AGMAT: variants seen among roughly 807,000 people sequenced by gnomAD.
The protein encoded by AGMAT is guanidino acid hydrolase, mitochondrial.
In AGMAT, 37 loss-of-function variants were observed where a neutral mutation model predicts 29.3. The observed-to-expected ratio is 1.26, with a 90% confidence interval of 0.97 to 1.66. The LOEUF (loss-of-function observed/expected upper bound fraction) is 1.66. Ranked by LOEUF, AGMAT falls within the 40% of genes most tolerant of loss-of-function variation. The pLI, the probability that AGMAT is intolerant of heterozygous loss-of-function variation, is 0.00. For synonymous variants in AGMAT, 199 were observed against 200.8 expected, an observed-to-expected ratio of 0.99 and a Z score of 0.08; for missense variants, 498 against 497.8, an observed-to-expected ratio of 1.00 and a Z score of 0.00.
Position 15,584,808 on chromosome 1 carries a change from C to A in AGMAT, c.160G>T (p.Val54Leu). The change falls in exon 1 of 7, where the codon GTG becomes TTG. Residue 54 changes from valine (V) to leucine (L), a missense_variant. Coordinates refer to ENST00000375826, the MANE Select transcript of AGMAT (RefSeq NM_024758.5). ...PPSPEFVARP[V>L]GVCSMMRLPV... ...AGGCGCATCATGGAGCAGACGCCCA[C>A]CGGCCGGGCCACGAACTCGGGGCTG... 7.1e-7 allele frequency: 1 copy of A among 1,401,076 alleles called. No individual in the cohort carries two copies. The highest frequency in any genetic ancestry group is 9.3e-7 in the Non-Finnish European group (1 of 1,080,464). 86.8% of individuals were successfully genotyped at this position (1,401,076 alleles called of 1,614,324 possible). A position where few individuals can be genotyped will look rare whatever the true frequency, so the allele number is the denominator to read the frequency against.
In AGMAT at chr1:15,583,364, C is replaced by T. The variant is rs923250714; in HGVS notation, c.304G>A (p.Val102Met). Residue 102 changes from valine to methionine, a missense_variant, in exon 2 of 7, where the codon GTG (valine) becomes ATG (methionine). Physicochemically the swap from Val to Met is conservative, Grantham distance 21. Coordinates refer to ENST00000375826, the MANE Select transcript of AGMAT (RefSeq NM_024758.5). The stretch of plus-strand genomic sequence containing the variant: ...CTAGGATTGACTGTCCCAAGCATCA[C>T]TGATTCTTCCCGGATGCGGCGAGGT... ...FGPRRIREES[V>M]MLGTVNPSTG... The T allele has an allele frequency of 6.2e-7, 1 of 1,613,948 alleles. No homozygotes were observed. The highest frequency in any genetic ancestry group is 1.3e-5 in the African/African-American group (1 of 74,920).
rs1639143287 is a variant in AGMAT at position 15,583,403 on chromosome 1, A to G, written c.273-8T>C. 6.2e-7 allele frequency: 1 copy of G among 1,607,606 alleles called. No individual in the cohort carries two copies. The highest frequency in any genetic ancestry group is 8.5e-7 in the Non-Finnish European group (1 of 1,177,136). On this transcript the variant is annotated splice_polypyrimidine_tract_variant and splice_region_variant and intron_variant, in intron 1 of 6. Coordinates refer to ENST00000375826, the MANE Select transcript of AGMAT (RefSeq NM_024758.5). ...ATGCGGCGAGGTCCGAATCTGCAGA[A>G]GGAAGAATCATCCTGTCAGCCATCA...
Position 15,572,168 on chromosome 1 carries a change from C to A in AGMAT, c.*1483G>T, listed in dbSNP as rs560286438. ...TCAGAAAAAAAAAAAAAAAAAAAAG[C>A]CCAGCTGACATTTTCCAGTTTTGTT... On this transcript the variant is annotated 3_prime_UTR_variant, in exon 7 of 7. Transcript: ENST00000375826. 5.3e-3 allele frequency among the ~76,000 whole-genome samples: 716 copies of A among 134,836 alleles called. 2 individuals carry two copies. The highest frequency in any genetic ancestry group is 0.02 in the African/African-American group (682 of 33,814). The allele number at this position is 134,836 out of a possible 152,430, so 88.5% of individuals were successfully genotyped here. A position where few individuals can be genotyped will look rare whatever the true frequency, so the allele number is the denominator to read the frequency against.
rs59203066 is a variant in AGMAT, at chr1:15,576,740, C to CTTTTTTTTT, written c.900+936_900+944dup. On this transcript the variant is annotated intron_variant, in intron 5 of 6. Transcript: ENST00000375826. ...ACGACACCTGGCCAAGTTTAGTGTT[C>CTTTTTTTTT]TTTTTTTTTTTTTTTTTTTTTTTTT... 7.3e-3 allele frequency among the ~76,000 whole-genome samples: 261 copies of CTTTTTTTTT among 35,786 alleles called. 48 individuals are homozygous for CTTTTTTTTT. The highest frequency in any genetic ancestry group is 0.022 in the African/African-American group (225 of 10,336). The allele number at this position is 35,786 out of a possible 152,430, so 23.5% of individuals were successfully genotyped here.
At position 15,572,109 on chromosome 1, in the gene AGMAT, C is replaced by T. The variant is rs187236868; in HGVS notation, c.*1542G>A. Among the ~76,000 whole-genome samples the T allele has an allele frequency of 2.0e-4, 29 of 142,580 alleles. No homozygotes were observed. In the East Asian group the frequency reaches 6.0e-3, roughly 29 times the overall value. 93.5% of individuals were successfully genotyped at this position (142,580 alleles called of 152,430 possible). A position where few individuals can be genotyped will look rare whatever the true frequency, so the allele number is the denominator to read the frequency against. On this transcript the variant is annotated 3_prime_UTR_variant, in exon 7 of 7. Coordinates refer to ENST00000375826, the MANE Select transcript of AGMAT (RefSeq NM_024758.5). ...GCAGTGAGCTAAGATCGGGCCACTGCACTCCAGCCTGGGGGACAGAGCGAG... is the reference window on the plus strand; with the variant it reads ...GCAGTGAGCTAAGATCGGGCCACTGTACTCCAGCCTGGGGGACAGAGCGAG...
chr1:15,576,030 T>C (rs1193045701), intron 5 of AGMAT: 2 of 152,176 alleles, frequency 1.3e-5, no homozygotes, highest in African/African-American at 4.8e-5. Flanking sequence ...GTGCTGAGGA[T>C]AGTGCCTGAG....
intron 5 of AGMAT, among the ~76,000 whole-genome samples, chr1:15,576,471 C>A (rs1639038348): frequency 6.6e-6 from 1 of 150,740 alleles, no homozygotes; most frequent in African/African-American, 2.4e-5. Context: ...GCTCTGTTGC[C>A]CAGGCTGGAG....
intron 5 of AGMAT, among the ~76,000 whole-genome samples, chr1:15,576,276 AT>A (rs1639035831): frequency 6.8e-6 from 1 of 147,516 alleles, no homozygotes; most frequent in African/African-American, 2.5e-5. Flanking sequence ...CTAATTTTGT[AT>A]TTTTAGTAGA....
intron 3 of AGMAT, 123 bp from the exon 4 acceptor site, chr1:15,579,177 T>C (rs925600183): frequency 1.1e-6 from 1 of 884,948 alleles, no homozygotes; most frequent in Non-Finnish European, 1.7e-6. Context: ...GCATCCGTTT[T>C]CTGCCTTGCA....
chr1:15,584,299 T>C (rs966027811), intron 1 of AGMAT, among the ~76,000 whole-genome samples: 8 of 135,796 alleles, frequency 5.9e-5, no homozygotes, highest in Non-Finnish European at 1.2e-4. Flanking sequence ...CGCGCCACCA[T>C]GCCCGGCTTT....
At chr1:15,577,400 C>G (rs999704918) in intron 5 of AGMAT, among the ~76,000 whole-genome samples, 1 of 152,002 alleles carries the variant, frequency 6.6e-6, no homozygotes, top group Non-Finnish European at 1.5e-5. Flanking sequence ...TGGTGAAACC[C>G]CATCTCTACT....
At chr1:15,579,296 A>G (rs549232889) in intron 3 of AGMAT, among the ~76,000 whole-genome samples, 2 of 152,170 alleles carry the variant, frequency 1.3e-5, no homozygotes, top group African/African-American at 4.8e-5. Flanking sequence ...CCTATCACCC[A>G]GAATTTGCTT....
In AGMAT at chr1:15,574,763, G is replaced by C; in HGVS notation, c.979C>G (p.Leu327Val). The change falls in exon 6 of 7, where the codon CTT (leucine) becomes GTT (valine). Residue 327 changes from leucine to valine, a missense_variant. Physicochemically the swap from Leu to Val is conservative, Grantham distance 32. Coordinates refer to ENST00000375826, the MANE Select transcript of AGMAT (RefSeq NM_024758.5). The part of the protein sequence containing the change: ...DLVEVSPPYD[L>V]SGNTALLAAN... ...AGTCTCTTTGCTTACTCACCAGAAA[G>C]ATCATACGGTGGTGAAACTTCGACA... 1 of 1,613,436 alleles carries C rather than the reference G, an allele frequency of 6.2e-7. No individual in the cohort carries two copies. Among genetic ancestry groups the C allele is most frequent in the Non-Finnish European group, 8.5e-7 (1 of 1,179,492 alleles).
chr1:15,584,316 C>T lies in AGMAT; in HGVS notation c.272+380G>A, dbSNP rs576048222. On this transcript the variant is annotated intron_variant, in intron 1 of 6. Coordinates refer to ENST00000375826, the MANE Select transcript of AGMAT (RefSeq NM_024758.5). ...CGCCACCATGCCCGGCTTTTTTTTT[C>T]TTTTTTTTGTACCTTTGTAGAGACA... Among the ~76,000 whole-genome samples, 92 of 150,140 alleles carry T rather than the reference C, an allele frequency of 6.1e-4. 1 individual carries two copies. Among genetic ancestry groups the T allele is most frequent in the African/African-American group, 2.1e-3 (87 of 40,838 alleles).
At chr1:15,583,961 T>C (rs1302139035) in intron 1 of AGMAT, among the ~76,000 whole-genome samples, 1 of 152,182 alleles carries the variant, frequency 6.6e-6, no homozygotes, top group East Asian at 1.9e-4. Context: ...ATTGCCTTCA[T>C]TTGAGCATTT....
chr1:15,583,504 G>T, intron 1 of AGMAT, 109 bp from the exon 2 acceptor site: 1 of 1,064,838 alleles, frequency 9.4e-7, no homozygotes, highest in Non-Finnish European at 1.4e-6. Flanking sequence ...ATTCCGTGTC[G>T]CGGCATTGCA....
At chr1:15,575,656 T>G (rs1280993856) in intron 5 of AGMAT, 4 of 152,228 alleles carry the variant, frequency 2.6e-5, no homozygotes, top group African/African-American at 9.7e-5. Flanking sequence ...CAGCACACAT[T>G]ATTGGAGCTT....
chr1:15,574,460 C>T (rs1639002810), intron 6 of AGMAT, among the ~76,000 whole-genome samples: 1 of 151,708 alleles, frequency 6.6e-6, no homozygotes, highest in African/African-American at 2.4e-5. Context: ...TCACTGCAAC[C>T]TCCGCCTCCT....
At position 15,579,204 on chromosome 1, in the gene AGMAT, T is replaced by C. The variant is rs7524350; in HGVS notation, c.525-150A>G. The C allele has an allele frequency of 3.0e-4, 207 of 689,840 alleles. 2 individuals carry two copies. In the African/African-American group the frequency reaches 3.4e-3, roughly 11 times the overall value. 42.7% of individuals were successfully genotyped at this position (689,840 alleles called of 1,614,324 possible). A position where few individuals can be genotyped will look rare whatever the true frequency, so the allele number is the denominator to read the frequency against. ...TGCCTTGCAACTGGTTCCTGTCTTC[T>C]TGAGATCACTTTGCATCTCAGAGGA... On this transcript the variant is annotated intron_variant, in intron 3 of 6. Transcript: ENST00000375826.
Sources: gnomAD v4.1 joint callset for allele counts (sites outside exome capture counted in the v4.1 genomes callset) on GRCh38, gnomAD v4.1.1 for gene constraint, MANE v1.5 for transcripts, NCBI Gene and HGNC (gene_info 2026-07-23, HGNC 2026-07-21) for gene names.